The following FRZB variants were observed in gnomAD, a reference collection of about 807,000 sequenced individuals.
FRZB encodes the protein frizzled related protein, also known as secreted frizzled-related protein 3.
FRZB carries 34 observed loss-of-function variants against 32.5 expected under a neutral mutation model. That is an observed-to-expected ratio of 1.05 (90% confidence interval 0.80 to 1.39). The LOEUF is 1.39. Among genes scored for constraint, FRZB ranks in the 40% most tolerant of loss-of-function variants. The pLI is 0.00. For missense variants in FRZB, 423 were observed against 424.8 expected, an observed-to-expected ratio of 1.00 and a Z score of 0.04; for synonymous variants, 170 against 159.2, an observed-to-expected ratio of 1.07 and a Z score of -0.51.
chr2:182,862,152 A>G (rs866521574), intron 1 of FRZB, among the ~76,000 whole-genome samples: 17 of 152,234 alleles, frequency 1.1e-4, no homozygotes, highest in African/African-American at 2.9e-4. Flanking sequence ...GAGTGGAGAA[A>G]CGATTAAATG....
intron 5 of FRZB, 144 bp from the exon 6 acceptor site, chr2:182,835,109 G>A: frequency 1.6e-6 from 1 of 641,946 alleles, no homozygotes. Flanking sequence ...TATTTCCCAG[G>A]GTAACAAGAA....
chr2:182,863,017 G>A (rs559114280), intron 1 of FRZB, among the ~76,000 whole-genome samples: 2 of 152,060 alleles, frequency 1.3e-5, no homozygotes, highest in Admixed American at 6.6e-5. Flanking sequence ...TGATCCACCC[G>A]CCTCGGCCTT....
At chr2:182,849,101 C>T (rs562751330) in intron 2 of FRZB, among the ~76,000 whole-genome samples, 1 of 152,032 alleles carries the variant, frequency 6.6e-6, no homozygotes, top group Admixed American at 6.5e-5. Context: ...GTGGCAAGTG[C>T]CTGTAGTCCC....
chr2:182,835,792 C>T (rs1208636303), intron 5 of FRZB, among the ~76,000 whole-genome samples: 2 of 151,992 alleles, frequency 1.3e-5, no homozygotes, highest in Non-Finnish European at 2.9e-5. Context: ...AACAAGCTCC[C>T]AGGTGATACC....
At position 182,866,301 on chromosome 2, in the gene FRZB, C is replaced by A. The variant is rs572982024; in HGVS notation, c.252G>T (p.Leu84=). The A allele has an allele frequency of 1.9e-6, 3 of 1,614,244 alleles. No individual in the cohort carries two copies. The South Asian group carries it at 3.3e-5, about 18-fold the overall frequency. The change falls in exon 1 of 6, where the codon CTG becomes CTT. Residue 84 remains leucine (L), a synonymous_variant. Coordinates refer to ENST00000295113, the MANE Select transcript of FRZB (RefSeq NM_001463.4). The surrounding 1 kb of genome is among the most constrained non-coding windows in gnomAD (Gnocchi z 4.5). ...GLLGTHCSPD[L]LFFLCAMYAP... ...CGTACATGGCACAGAGGAAGAAGAG[C>A]AGATCGGGGCTGCAGTGGGTGCCCA...
At chr2:182,861,203 T>A (rs1049369981) in intron 1 of FRZB, among the ~76,000 whole-genome samples, 3 of 152,234 alleles carry the variant, frequency 2.0e-5, no homozygotes, top group African/African-American at 7.2e-5. Context: ...AGGCAAAGAA[T>A]AACAGATTCT....
chr2:182,865,705 AC>A (rs1201764343), intron 1 of FRZB, among the ~76,000 whole-genome samples: 1 of 152,216 alleles, frequency 6.6e-6, no homozygotes, highest in African/African-American at 2.4e-5. Flanking sequence ...ATGATTATAA[AC>A]ACATTTTAAA....
In FRZB at chr2:182,834,537, G is replaced by C. The variant is rs1420016900; in HGVS notation, c.*312C>G. Reference sequence around the variant, plus strand: ...TGCAGAAAGTAAATTAACATCTGGAGACTCCAGCAAAGAGGCTCTGGTAAC... The same window carrying C: ...TGCAGAAAGTAAATTAACATCTGGACACTCCAGCAAAGAGGCTCTGGTAAC... On this transcript the variant is annotated 3_prime_UTR_variant, in exon 6 of 6. Transcript: ENST00000295113. 9.9e-6 allele frequency: 3 copies of C among 302,036 alleles called. No homozygotes were observed. The highest frequency in any genetic ancestry group is 1.9e-5 in the Non-Finnish European group (3 of 160,868). 18.7% of individuals were successfully genotyped at this position (302,036 alleles called of 1,614,324 possible). A position where few individuals can be genotyped will look rare whatever the true frequency, so the allele number is the denominator to read the frequency against.
intron 2 of FRZB, among the ~76,000 whole-genome samples, chr2:182,852,053 A>C (rs566082748): frequency 6.6e-6 from 1 of 152,374 alleles, no homozygotes; most frequent in South Asian, 2.1e-4. Context: ...TAAAATCACA[A>C]AAATACTATT....
intron 2 of FRZB, among the ~76,000 whole-genome samples, chr2:182,854,922 A>G (rs191876101): frequency 1.1e-4 from 16 of 152,338 alleles, no homozygotes; most frequent in Non-Finnish European, 1.9e-4. Flanking sequence ...AGGATTTTGT[A>G]AAGTTGTTTA....
chr2:182,840,789 A>T (rs561233761), intron 3 of FRZB, among the ~76,000 whole-genome samples: 1 of 152,234 alleles, frequency 6.6e-6, no homozygotes, highest in East Asian at 1.9e-4. Flanking sequence ...TTATTATGAT[A>T]TTCATTCAGC....
At position 182,836,073 on chromosome 2, in the gene FRZB, A is replaced by AT. The variant is rs1286538052; in HGVS notation, c.862-1109dup. Among the ~76,000 whole-genome samples the AT allele has an allele frequency of 2.0e-5, 3 of 152,082 alleles. No individual in the cohort carries two copies. The South Asian group carries it at 6.2e-4, about 31-fold the overall frequency. On this transcript the variant is annotated intron_variant, in intron 5 of 5. Transcript: ENST00000295113. ...ACTGAAGGTAATTCTTCATTTCAGT[A>AT]TTCTTTACTCCACAATCTTGTCTTC...
At chr2:182,862,507 T>C (rs1263129871) in intron 1 of FRZB, among the ~76,000 whole-genome samples, 2 of 152,198 alleles carry the variant, frequency 1.3e-5, no homozygotes, top group African/African-American at 2.4e-5. Context: ...ATACTAACTT[T>C]ATATATTTAG....
chr2:182,838,927 T>C (rs2840042), intron 3 of FRZB, among the ~76,000 whole-genome samples: 1 of 152,166 alleles, frequency 6.6e-6, no homozygotes, highest in South Asian at 2.1e-4. Context: ...AACAATCTGA[T>C]ACAATTTTTC....
intron 2 of FRZB, among the ~76,000 whole-genome samples, chr2:182,845,022 T>C (rs528086204): frequency 6.6e-6 from 1 of 152,116 alleles, no homozygotes; most frequent in African/African-American, 2.4e-5. Flanking sequence ...ATAACAGTAA[T>C]AAGGAGAAGC....
Position 182,838,547 on chromosome 2 carries a change from T to G in FRZB, c.659A>C (p.Lys220Thr), listed in dbSNP as rs1304873605. Residue 220 changes from lysine (K) to threonine (T), a missense_variant, in exon 4 of 6, where the codon AAG becomes ACG. Transcript: ENST00000295113. ...TACCAGAGAGGACTTTAGAATCTCC[T>G]TCACCTCCACTACTGCAGTCACATC... ...CHDVTAVVEV[K>T]EILKSSLVNI... The G allele has an allele frequency of 6.2e-7, 1 of 1,612,852 alleles. No individual in the cohort carries two copies. The highest frequency in any genetic ancestry group is 8.5e-7 in the Non-Finnish European group (1 of 1,179,218).
intron 1 of FRZB, among the ~76,000 whole-genome samples, chr2:182,865,077 A>T (rs1336701752): frequency 1.3e-5 from 2 of 152,216 alleles, no homozygotes; most frequent in African/African-American, 4.8e-5. Flanking sequence ...GTGAGAAAAC[A>T]ACTTGTGATT....
chr2:182,841,476 G>T (rs747279055), intron 3 of FRZB, among the ~76,000 whole-genome samples: 14 of 151,882 alleles, frequency 9.2e-5, no homozygotes, highest in Admixed American at 3.9e-4. Context: ...TTTTAATAAG[G>T]TTCACTGTAA....
intron 5 of FRZB, among the ~76,000 whole-genome samples, chr2:182,835,587 T>C (rs1428135622): frequency 6.6e-6 from 1 of 152,132 alleles, no homozygotes; most frequent in African/African-American, 2.4e-5. Flanking sequence ...TTTAGTAATA[T>C]TTCATATTAA....
Sources: allele counts gnomAD v4.1 joint callset (sites outside exome capture counted in the v4.1 genomes callset), GRCh38; gene constraint gnomAD v4.1.1; non-coding constraint Gnocchi (gnomAD v3.1); transcripts MANE v1.5; gene names NCBI Gene and HGNC (gene_info 2026-07-23, HGNC 2026-07-21).